Variants in LGR5 observed in about 807,000 individuals in gnomAD.
The protein encoded by LGR5 is leucine rich repeat containing G protein-coupled receptor 5.
A neutral mutation model predicts 76.7 loss-of-function variants in LGR5; 54 were observed. That is an observed-to-expected ratio of 0.70 (90% CI 0.57 to 0.88). LGR5 has a LOEUF of 0.88. Among genes scored for constraint, LGR5 ranks in the 40% least tolerant of loss-of-function variants. The pLI, the probability that LGR5 is intolerant of heterozygous loss-of-function variation, is 0.00. For synonymous variants in LGR5, 406 were observed against 421.9 expected (o/e 0.96, Z 0.46); for missense variants, 1,078 against 1,073.3 (o/e 1.00, Z -0.06).
intron 17 of LGR5, 153 bp downstream of exon 17, chr12:71,582,692 T>C (rs889482390): frequency 1.4e-5 from 8 of 583,094 alleles, no homozygotes; most frequent in Admixed American, 1.2e-4. Context: ...AATACAAATG[T>C]TCATTCCCTG....
At chr12:71,507,814 T>C (rs946682546) in intron 2 of LGR5, among the ~76,000 whole-genome samples, 2 of 152,092 alleles carry the variant, frequency 1.3e-5, no homozygotes, top group Non-Finnish European at 2.9e-5. Context: ...AAGTCTTTCA[T>C]TCAGCTTATT....
Position 71,529,814 on chromosome 12 carries a change from G to T in LGR5, c.357-5301G>T, listed in dbSNP as rs149766185. 1.1e-3 allele frequency among the ~76,000 whole-genome samples: 162 copies of T among 152,114 alleles called. 1 individual carries two copies. Among genetic ancestry groups the T allele is most frequent in the African/African-American group, 3.9e-3 (161 of 41,500 alleles). ...CTACTAAAAATACAAAAATTAGCTA[G>T]GTGTCATGGTGCACCCCTGTAATCC... On this transcript the variant is annotated intron_variant, in intron 3 of 17. Transcript: ENST00000266674.
chr12:71,489,108 T>C (rs1401810687), intron 1 of LGR5, among the ~76,000 whole-genome samples: 2 of 152,158 alleles, frequency 1.3e-5, no homozygotes, highest in African/African-American at 4.8e-5. Context: ...TCAAATGAAA[T>C]CCATTTGTAG....
At position 71,440,578 on chromosome 12, in the gene LGR5, C is replaced by A. The variant is rs764222542; in HGVS notation, c.212+286C>A. On this transcript the variant is annotated intron_variant, in intron 1 of 17. Transcript: ENST00000266674. This position sits in a 1 kb window ranked among gnomAD's most constrained non-coding sequence, Gnocchi z 5.3. ...GTCCAGCGCTAGAAACATCGCAGGG[C>A]GAATTCCTGCAAATGCAGGCATTTG... 1.3e-5 allele frequency among the ~76,000 whole-genome samples: 2 copies of A among 152,174 alleles called. No homozygotes were observed. The highest frequency in any genetic ancestry group is 2.9e-5 in the Non-Finnish European group (2 of 68,020).
rs559074080 is a variant in LGR5 at position 71,465,109 on chromosome 12, C to G, written c.212+24817C>G. ...CCCTAGTGCCTCCTCGAAGTATGAC[C>G]TTGGGCAAGGAGCCTCTCTTTAATC... On this transcript the variant is annotated intron_variant, in intron 1 of 17. Transcript: ENST00000266674. Among the ~76,000 whole-genome samples the G allele has an allele frequency of 5.3e-5, 8 of 152,240 alleles. No individual in the cohort carries two copies. In the East Asian group the frequency reaches 1.5e-3, roughly 29 times the overall value.
intron 11 of LGR5, 145 bp from the exon 12 acceptor site, chr12:71,571,369 C>G (rs1878602307): frequency 5.6e-6 from 3 of 535,638 alleles, no homozygotes; most frequent in Non-Finnish European, 9.9e-6. Flanking sequence ...ATGGCTGTGA[C>G]TACCTGCTCC....
chr12:71,459,807 T>G (rs916107623), intron 1 of LGR5, among the ~76,000 whole-genome samples: 3 of 151,872 alleles, frequency 2.0e-5, no homozygotes, highest in African/African-American at 7.3e-5. Flanking sequence ...TTAGAATAAT[T>G]ATTACTCCTA....
chr12:71,491,635 T>G (rs1287883241), intron 1 of LGR5, among the ~76,000 whole-genome samples: 1 of 151,652 alleles, frequency 6.6e-6, no homozygotes, highest in African/African-American at 2.4e-5. Flanking sequence ...TTGACAGGTC[T>G]TGGTGTAATG....
chr12:71,473,004 A>G (rs923447535), intron 1 of LGR5, among the ~76,000 whole-genome samples: 12 of 152,350 alleles, frequency 7.9e-5, no homozygotes, highest in African/African-American at 2.9e-4. Context: ...CTCTCTCCCC[A>G]AGAGTGAGTA....
chr12:71,476,092 C>G (rs1873322758), intron 1 of LGR5, among the ~76,000 whole-genome samples: 1 of 152,048 alleles, frequency 6.6e-6, no homozygotes, highest in South Asian at 2.1e-4. Flanking sequence ...AGGACACTAT[C>G]CAGCCAGCCA....
intron 1 of LGR5, among the ~76,000 whole-genome samples, chr12:71,453,092 CAAGAA>C (rs1264456745): frequency 6.6e-6 from 1 of 151,958 alleles, no homozygotes; most frequent in Non-Finnish European, 1.5e-5. Context: ...ATGTTAAAAA[CAAGAA>C]AAGAACGAAA....
At chr12:71,580,004 T>A (rs890691367) in intron 15 of LGR5, among the ~76,000 whole-genome samples, 8 of 152,208 alleles carry the variant, frequency 5.3e-5, no homozygotes, top group African/African-American at 1.7e-4. Flanking sequence ...GCCTTTTTTT[T>A]AACCTTTTTA....
intron 12 of LGR5, among the ~76,000 whole-genome samples, chr12:71,571,897 A>T (rs1878627490): frequency 6.6e-6 from 1 of 152,148 alleles, no homozygotes; most frequent in South Asian, 2.1e-4. Context: ...AACCAAACTT[A>T]CATATCCAAT....
At chr12:71,512,820 C>T (rs1039069790) in intron 2 of LGR5, among the ~76,000 whole-genome samples, 25 of 152,164 alleles carry the variant, frequency 1.6e-4, no homozygotes, top group African/African-American at 5.8e-4. Context: ...AGCAGGACAT[C>T]TAAATGGGAA....
intron 2 of LGR5, among the ~76,000 whole-genome samples, chr12:71,519,636 CA>C (rs944045797): frequency 2.0e-5 from 3 of 146,438 alleles, no homozygotes; most frequent in East Asian, 3.9e-4. Flanking sequence ...CTGTCTCTAC[CA>C]AAAAAAACAA....
chr12:71,542,035 G>T (rs1876904703), intron 4 of LGR5, among the ~76,000 whole-genome samples: 1 of 152,172 alleles, frequency 6.6e-6, no homozygotes, highest in South Asian at 2.1e-4. Context: ...AAAACAGAAA[G>T]AAATAAATGA....
At chr12:71,515,208 T>C (rs1184003515) in intron 2 of LGR5, among the ~76,000 whole-genome samples, 1 of 152,224 alleles carries the variant, frequency 6.6e-6, no homozygotes, top group African/African-American at 2.4e-5. Flanking sequence ...CCTGTATTGA[T>C]AAACCAAAGC....
At chr12:71,473,623 TTAAA>T (rs142775308) in intron 1 of LGR5, among the ~76,000 whole-genome samples, 9 of 151,208 alleles carry the variant, frequency 6.0e-5, no homozygotes, top group African/African-American at 1.2e-4. Flanking sequence ...AATATTTTTA[TTAAA>T]TAAATAAATA....
At chr12:71,486,180 G>T (rs1873818094) in intron 1 of LGR5, among the ~76,000 whole-genome samples, 1 of 152,090 alleles carries the variant, frequency 6.6e-6, no homozygotes, top group Admixed American at 6.6e-5. Context: ...CTCTCAACAA[G>T]CTGAAAGTGT....
Sources: gnomAD v4.1 joint callset for allele counts (sites outside exome capture counted in the v4.1 genomes callset) on GRCh38, gnomAD v4.1.1 for gene constraint, Gnocchi (gnomAD v3.1) non-coding constraint, MANE v1.5 for transcripts, NCBI Gene and HGNC (gene_info 2026-07-23, HGNC 2026-07-21) for gene names.